OR8J3: variants seen among roughly 807,000 people sequenced by gnomAD.
OR8J3 encodes the protein olfactory receptor 8J3.
For synonymous variants in OR8J3, 170 were observed against 142.6 expected, an observed-to-expected ratio of 1.19 and a Z score of -1.37; for missense variants, 418 against 379.8, an observed-to-expected ratio of 1.10 and a Z score of -0.84.
Position 56,135,227 on chromosome 11 carries a change from C to A in OR8J3, c.*1544G>T, listed in dbSNP as rs780817412. The A allele has an allele frequency of 1.3e-5, 2 of 151,322 alleles. No homozygotes were observed. The highest frequency in any genetic ancestry group is 3.0e-5 in the Non-Finnish European group (2 of 67,756). 9.4% of individuals were successfully genotyped at this position (151,322 alleles called of 1,614,324 possible). ...ATTATTCCATTGTTCAATAGAAGGC[C>A]TAACTAGAAAACGTATTCAGTGGAA... is the stretch of plus-strand genomic sequence containing the variant. On this transcript the variant is annotated 3_prime_UTR_variant, in exon 2 of 2. Coordinates refer to ENST00000642058, the MANE Select transcript of OR8J3 (RefSeq NM_001004064.2).
chr11:56,137,090 G>GA lies in OR8J3; in HGVS notation c.628dup (p.Ser210PhefsTer62), dbSNP rs746550275. 1.9e-6 allele frequency: 3 copies of GA among 1,613,456 alleles called. No individual in the cohort carries two copies. Among genetic ancestry groups the GA allele is most frequent in the Admixed American group, 3.3e-5 (2 of 59,876 alleles). On this transcript the variant is annotated frameshift_variant, in exon 2 of 2. Transcript: ENST00000642058. LOFTEE classifies it low-confidence loss of function (END_TRUNC). ...ATAAGATACTAGAACTGTAATCATG[G>GA]AAAAAACCAAATTTGTTGCTGCAGA... is the stretch of plus-strand genomic sequence containing the variant.
intron 1 of OR8J3, among the ~76,000 whole-genome samples, chr11:56,139,372 CAG>C (rs1854367936): frequency 1.3e-5 from 2 of 151,588 alleles, no homozygotes; most frequent in East Asian, 1.9e-4. Flanking sequence ...AAAAAGAAAA[CAG>C]AGAAATAACA....
Position 56,136,766 on chromosome 11 carries a change from T to C in OR8J3, c.*5A>G, listed in dbSNP as rs771797493. The stretch of plus-strand genomic sequence containing the variant: ...ATCTCTTCATTTATTTATAGAGCTC[T>C]AAAATTACATTGATTTAAAGGAGTA... On this transcript the variant is annotated 3_prime_UTR_variant, in exon 2 of 2. Coordinates refer to ENST00000642058, the MANE Select transcript of OR8J3 (RefSeq NM_001004064.2). 3.4e-6 allele frequency: 5 copies of C among 1,486,262 alleles called. No individual in the cohort carries two copies. In the South Asian group the frequency reaches 6.4e-5, roughly 19 times the overall value. The allele number at this position is 1,486,262 out of a possible 1,614,324, so 92.1% of individuals were successfully genotyped here.
In OR8J3 at chr11:56,137,430, A is replaced by G. The variant is rs747711861; in HGVS notation, c.289T>C (p.Cys97Arg). The change falls in exon 2 of 2, where the codon TGT becomes CGT. Residue 97 changes from cysteine to arginine, a missense_variant. Transcript: ENST00000642058. The stretch of plus-strand genomic sequence containing the variant: ...AAGAACCCTCCCAGTTGGGTGGCAC[A>G]TTCATAGAATGAGGTAGTTTTCTTC... The part of the protein sequence containing the change: ...VKKKTTSFYE[C>R]ATQLGGFLFF... 1.9e-6 allele frequency: 3 copies of G among 1,614,234 alleles called. No individual in the cohort carries two copies. The highest frequency in any genetic ancestry group is 1.7e-6 in the Non-Finnish European group (2 of 1,180,042).
Position 56,138,102 on chromosome 11 carries a change from T to C in OR8J3, c.-384A>G, listed in dbSNP as rs1347054134. On this transcript the variant is annotated 5_prime_UTR_variant, in exon 2 of 2. In the 5' UTR this introduces an upstream ATG that the reference lacks. Coordinates refer to ENST00000642058, the MANE Select transcript of OR8J3 (RefSeq NM_001004064.2). Reference sequence around the variant, plus strand: ...CATGAGAAAGGCTTAAGAAATTGTATATCGCCAAATAATCCAATGGCTACT... The same window carrying C: ...CATGAGAAAGGCTTAAGAAATTGTACATCGCCAAATAATCCAATGGCTACT... 2 of 184,704 alleles carry C rather than the reference T, an allele frequency of 1.1e-5. No individual in the cohort carries two copies. The highest frequency in any genetic ancestry group is 2.2e-5 in the Non-Finnish European group (2 of 89,424). The allele number at this position is 184,704 out of a possible 1,614,324, so 11.4% of individuals were successfully genotyped here.
chr11:56,135,496 C>T lies in OR8J3; in HGVS notation c.*1275G>A, dbSNP rs2134683630. On this transcript the variant is annotated 3_prime_UTR_variant, in exon 2 of 2. Transcript: ENST00000642058. ...AAAAGATATCCAATCACTACTTTTCCAGTTACTTGAGTCTAATTTTGTACT... is the reference window on the plus strand; with the variant it reads ...AAAAGATATCCAATCACTACTTTTCTAGTTACTTGAGTCTAATTTTGTACT... The T allele has an allele frequency of 6.6e-6, 1 of 151,910 alleles. No individual in the cohort carries two copies. The highest frequency in any genetic ancestry group is 2.1e-4 in the South Asian group (1 of 4,820). The allele number at this position is 151,910 out of a possible 1,614,324, so 9.4% of individuals were successfully genotyped here.
In OR8J3 at chr11:56,137,688, C is replaced by T. The variant is rs1043879134; in HGVS notation, c.31G>A (p.Glu11Lys). The T allele has an allele frequency of 6.2e-7, 1 of 1,603,224 alleles. No homozygotes were observed. The highest frequency in any genetic ancestry group is 1.8e-5 in the Admixed American group (1 of 57,070). Residue 11 changes from glutamate to lysine, a missense_variant, in exon 2 of 2, where the codon GAG becomes AAG. Coordinates refer to ENST00000642058, the MANE Select transcript of OR8J3 (RefSeq NM_001004064.2). The stretch of plus-strand genomic sequence containing the variant: ...CTAGAGACACCTGTGAGAATAAACT[C>T]AGTGACCCTGGTGAAATTTTCAGGA... MAPENFTRVTEFILTGVSSCP... is the reference protein window; with the variant it reads MAPENFTRVTKFILTGVSSCP...
In OR8J3 at chr11:56,134,875, A is replaced by T. The variant is rs1854315469; in HGVS notation, c.*1896T>A. On this transcript the variant is annotated 3_prime_UTR_variant, in exon 2 of 2. Coordinates refer to ENST00000642058, the MANE Select transcript of OR8J3 (RefSeq NM_001004064.2). ...TTTCGAAGAAGGATAATTCTTCTTC[A>T]TTAGGAATTCCCAGATTATTACATG... 1 of 152,058 alleles carries T rather than the reference A, an allele frequency of 6.6e-6. No homozygotes were observed. Among genetic ancestry groups the T allele is most frequent in the Admixed American group, 6.6e-5 (1 of 15,256 alleles). 9.4% of individuals were successfully genotyped at this position (152,058 alleles called of 1,614,324 possible). A position where few individuals can be genotyped will look rare whatever the true frequency, so the allele number is the denominator to read the frequency against.
chr11:56,137,158 T>G lies in OR8J3; in HGVS notation c.561A>C (p.Leu187Phe). 1 of 1,613,772 alleles carries G rather than the reference T, an allele frequency of 6.2e-7. No individual in the cohort carries two copies. Among genetic ancestry groups the G allele is most frequent in the Non-Finnish European group, 8.5e-7 (1 of 1,179,838 alleles). Reference sequence around the variant, plus strand: ...CTGGTATGTAAGTATCAGAGCAAGATAATGCTAACAGAGGTGCAATATCAC... The same window carrying G: ...CTGGTATGTAAGTATCAGAGCAAGAGAATGCTAACAGAGGTGCAATATCAC... ...FYCDIAPLLA[L>F]SCSDTYIPET... The change falls in exon 2 of 2, where the codon TTA becomes TTC. Residue 187 changes from leucine (L) to phenylalanine (F), a missense_variant. By Grantham distance (22) the Leu-to-Phe change is conservative (BLOSUM62 0). Coordinates refer to ENST00000642058, the MANE Select transcript of OR8J3 (RefSeq NM_001004064.2).
At position 56,137,656 on chromosome 11, in the gene OR8J3, T is replaced by C; in HGVS notation, c.63A>G (p.Pro21=). The C allele has an allele frequency of 6.2e-7, 1 of 1,614,124 alleles. No homozygotes were observed. Among genetic ancestry groups the C allele is most frequent in the African/African-American group, 1.3e-5 (1 of 75,062 alleles). The change falls in exon 2 of 2, where the codon CCA becomes CCG. Residue 21 remains proline (P), a synonymous_variant. Coordinates refer to ENST00000642058, the MANE Select transcript of OR8J3 (RefSeq NM_001004064.2). ...EFILTGVSSC[P]ELQIPLFLVF... is the part of the protein sequence containing the mutation. ...CCAGGAAGAGGGGAATCTGGAGCTC[T>C]GGACAGCTAGAGACACCTGTGAGAA...
chr11:56,135,978 A>T lies in OR8J3; in HGVS notation c.*793T>A, dbSNP rs1233182754. The T allele has an allele frequency of 6.6e-6, 1 of 152,050 alleles. No individual in the cohort carries two copies. The highest frequency in any genetic ancestry group is 2.4e-5 in the African/African-American group (1 of 41,456). The allele number at this position is 152,050 out of a possible 1,614,324, so 9.4% of individuals were successfully genotyped here. A position where few individuals can be genotyped will look rare whatever the true frequency, so the allele number is the denominator to read the frequency against. On this transcript the variant is annotated 3_prime_UTR_variant, in exon 2 of 2. Coordinates refer to ENST00000642058, the MANE Select transcript of OR8J3 (RefSeq NM_001004064.2). ...GAAAAAAAGAACAAAAATTCAAAAA[A>T]TATTTCTGATGATGTAAGAAACTCC...
In OR8J3 at chr11:56,136,357, G is replaced by A. The variant is rs138803526; in HGVS notation, c.*414C>T. On this transcript the variant is annotated 3_prime_UTR_variant, in exon 2 of 2. Coordinates refer to ENST00000642058, the MANE Select transcript of OR8J3 (RefSeq NM_001004064.2). ...AATTTGTTAACTTTGTTGTAAAAAT[G>A]ATTTTAGTCATCTGTAGTTACAGTT... 0.013 allele frequency: 1,943 copies of A among 152,400 alleles called. 28 individuals carry two copies. The highest frequency in any genetic ancestry group is 0.018 in the Non-Finnish European group (1,258 of 68,198). 9.4% of individuals were successfully genotyped at this position (152,400 alleles called of 1,614,324 possible).
chr11:56,139,143 G>A (rs1399019962), intron 1 of OR8J3, among the ~76,000 whole-genome samples: 1 of 152,084 alleles, frequency 6.6e-6, no homozygotes, highest in Non-Finnish European at 1.5e-5. Flanking sequence ...ACAATTGATA[G>A]TTCCAGTGGT....
chr11:56,135,739 A>AT lies in OR8J3; in HGVS notation c.*1031dup, dbSNP rs1233140327. 12 of 152,112 alleles carry AT rather than the reference A, an allele frequency of 7.9e-5. No homozygotes were observed. The highest frequency in any genetic ancestry group is 7.7e-4 in the East Asian group (4 of 5,174). 9.4% of individuals were successfully genotyped at this position (152,112 alleles called of 1,614,324 possible). ...ACACAGAATGTCAACATAATCTTCC[A>AT]TATGTATCTTTCAGTCTAGTTCTTT... On this transcript the variant is annotated 3_prime_UTR_variant, in exon 2 of 2. Coordinates refer to ENST00000642058, the MANE Select transcript of OR8J3 (RefSeq NM_001004064.2).
In OR8J3 at chr11:56,135,174, C is replaced by A. The variant is rs1854318321; in HGVS notation, c.*1597G>T. ...TTTATAAAAACTGAGTTTGGTGGAA[C>A]AAATTTTGTTATTAAACATGTGGTT... is the stretch of plus-strand genomic sequence containing the variant. On this transcript the variant is annotated 3_prime_UTR_variant, in exon 2 of 2. Coordinates refer to ENST00000642058, the MANE Select transcript of OR8J3 (RefSeq NM_001004064.2). 6.6e-6 allele frequency: 1 copy of A among 151,722 alleles called. No individual in the cohort carries two copies. The highest frequency in any genetic ancestry group is 2.1e-4 in the South Asian group (1 of 4,826). The allele number at this position is 151,722 out of a possible 1,614,324, so 9.4% of individuals were successfully genotyped here. A position where few individuals can be genotyped will look rare whatever the true frequency, so the allele number is the denominator to read the frequency against.
Position 56,136,629 on chromosome 11 carries a change from T to G in OR8J3, c.*142A>C. On this transcript the variant is annotated 3_prime_UTR_variant, in exon 2 of 2. Transcript: ENST00000642058. ...TATTACTCTCATAACTCAAAATGTT[T>G]CCATGTATTTTTTTTAATTCAATGA... 1 of 512,002 alleles carries G rather than the reference T, an allele frequency of 2.0e-6. No individual in the cohort carries two copies. 31.7% of individuals were successfully genotyped at this position (512,002 alleles called of 1,614,324 possible).
intron 1 of OR8J3, among the ~76,000 whole-genome samples, chr11:56,139,352 G>C (rs1854367581): frequency 1.1e-5 from 1 of 92,916 alleles, no homozygotes; most frequent in South Asian, 3.5e-4. Flanking sequence ...ATAAAGAAGT[G>C]ACTACTTAAA....
rs1455166962 is a variant in OR8J3, at chr11:56,136,331, A to C, written c.*440T>G. 1 of 152,210 alleles carries C rather than the reference A, an allele frequency of 6.6e-6. No individual in the cohort carries two copies. Among genetic ancestry groups the C allele is most frequent in the African/African-American group, 2.4e-5 (1 of 41,452 alleles). The allele number at this position is 152,210 out of a possible 1,614,324, so 9.4% of individuals were successfully genotyped here. ...TTATTTTAAATATTATTGTCAGTTC[A>C]AATTTGTTAACTTTGTTGTAAAAAT... On this transcript the variant is annotated 3_prime_UTR_variant, in exon 2 of 2. Transcript: ENST00000642058.
Position 56,137,429 on chromosome 11 carries a change from C to T in OR8J3, c.290G>A (p.Cys97Tyr). Residue 97 changes from cysteine to tyrosine, a missense_variant, in exon 2 of 2, where the codon TGT becomes TAT. Cys to Tyr is a radical substitution (Grantham distance 194). Coordinates refer to ENST00000642058, the MANE Select transcript of OR8J3 (RefSeq NM_001004064.2). ...CAAGAACCCTCCCAGTTGGGTGGCA[C>T]ATTCATAGAATGAGGTAGTTTTCTT... is the stretch of plus-strand genomic sequence containing the variant. ...VKKKTTSFYE[C>Y]ATQLGGFLFF... 6.2e-7 allele frequency: 1 copy of T among 1,614,182 alleles called. No individual in the cohort carries two copies. The highest frequency in any genetic ancestry group is 8.5e-7 in the Non-Finnish European group (1 of 1,180,048).
Sources: allele counts gnomAD v4.1 joint callset (sites outside exome capture counted in the v4.1 genomes callset), GRCh38; gene constraint gnomAD v4.1.1; transcripts MANE v1.5; gene names NCBI Gene and HGNC (gene_info 2026-07-23, HGNC 2026-07-21).